Variants in RCOR1 observed in about 807,000 individuals in gnomAD.
RCOR1 encodes REST corepressor 1.
A neutral mutation model predicts 64.0 loss-of-function variants in RCOR1; 12 were observed. That is an observed-to-expected ratio of 0.19 (90% CI 0.12 to 0.30). RCOR1 has a LOEUF of 0.30. Ranked by LOEUF, RCOR1 falls within the 10% of genes least tolerant of loss-of-function variation. The pLI is 1.00. For synonymous variants in RCOR1, 279 were observed against 227.2 expected (o/e 1.23, Z -2.05); for missense variants, 502 against 621.2 (o/e 0.81, Z 2.04).
At chr14:102,689,006 C>G (rs1895476959) in intron 3 of RCOR1, among the ~76,000 whole-genome samples, 1 of 152,206 alleles carries the variant, frequency 6.6e-6, no homozygotes, top group South Asian at 2.1e-4. Context: ...TTCATGCAGA[C>G]ACCACTGCAC....
At chr14:102,612,862 T>C (rs916754787) in intron 2 of RCOR1, among the ~76,000 whole-genome samples, 2 of 147,916 alleles carry the variant, frequency 1.4e-5, no homozygotes, top group Non-Finnish European at 3.0e-5. Context: ...GAGGTTGAGA[T>C]GGGAGGATTG....
intron 2 of RCOR1, among the ~76,000 whole-genome samples, chr14:102,593,945 G>T (rs1567400647): frequency 1.3e-5 from 2 of 152,204 alleles, no homozygotes; most frequent in Admixed American, 1.3e-4. Flanking sequence ...GGACCTATTT[G>T]TAAATGTGTG....
intron 4 of RCOR1, among the ~76,000 whole-genome samples, chr14:102,703,946 T>TA (rs2139980475): frequency 6.6e-6 from 1 of 152,354 alleles, no homozygotes; most frequent in Admixed American, 6.5e-5. Context: ...GCAGGCATCT[T>TA]ACGTTGGAGC....
intron 2 of RCOR1, among the ~76,000 whole-genome samples, chr14:102,672,968 T>G (rs1895058694): frequency 6.6e-6 from 1 of 152,200 alleles, no homozygotes; most frequent in Admixed American, 6.5e-5. Context: ...ACACAGACAT[T>G]GTATCAGGTA....
At chr14:102,613,572 A>T (rs1893681857) in intron 2 of RCOR1, among the ~76,000 whole-genome samples, 1 of 151,148 alleles carries the variant, frequency 6.6e-6, no homozygotes, top group Admixed American at 6.6e-5. Context: ...AGCTGGGACT[A>T]CAGGCGCCCG....
Position 102,721,387 on chromosome 14 carries a change from A to G in RCOR1, c.1189+10A>G. 1.9e-6 allele frequency: 3 copies of G among 1,610,466 alleles called. No homozygotes were observed. The East Asian group carries it at 6.7e-5, about 36-fold the overall frequency. ...CTTCTCGCCGTACAAGGTAGGGGGA[A>G]GTTCTTCTAAAGAGTTTAGGAGGCC... On this transcript the variant is annotated intron_variant, in intron 10 of 11. Coordinates refer to ENST00000262241, the MANE Select transcript of RCOR1 (RefSeq NM_015156.4).
At chr14:102,596,771 G>A (rs1893258980) in intron 2 of RCOR1, among the ~76,000 whole-genome samples, 2 of 151,822 alleles carry the variant, frequency 1.3e-5, no homozygotes, top group Admixed American at 1.3e-4. Flanking sequence ...CACCATGTTG[G>A]CCAGGCTGGT....
At chr14:102,616,033 A>G (rs993010659) in intron 2 of RCOR1, among the ~76,000 whole-genome samples, 11 of 152,208 alleles carry the variant, frequency 7.2e-5, no homozygotes, top group African/African-American at 2.2e-4. Flanking sequence ...ACTCAGTCCT[A>G]TCTTTGATAG....
At chr14:102,692,692 CT>C (rs1264975870) in intron 3 of RCOR1, among the ~76,000 whole-genome samples, 1 of 150,194 alleles carries the variant, frequency 6.7e-6, no homozygotes, top group Non-Finnish European at 1.5e-5. Flanking sequence ...TTGTAGCATA[CT>C]TTATTCAACT....
At position 102,707,236 on chromosome 14, in the gene RCOR1, T is replaced by C. The variant is rs950252463; in HGVS notation, c.499-115T>C. 8.6e-6 allele frequency: 7 copies of C among 812,472 alleles called. No individual in the cohort carries two copies. The African/African-American group carries it at 8.7e-5, about 10-fold the overall frequency. The allele number at this position is 812,472 out of a possible 1,614,324, so 50.3% of individuals were successfully genotyped here. The stretch of plus-strand genomic sequence containing the variant: ...TGACAGTGTCTGCCACTTAGCGCTG[T>C]AGATGAGTTAGTTTGTCTAAATATG... On this transcript the variant is annotated intron_variant, in intron 4 of 11. Coordinates refer to ENST00000262241, the MANE Select transcript of RCOR1 (RefSeq NM_015156.4).
chr14:102,635,074 T>C (rs1303376957), intron 2 of RCOR1, among the ~76,000 whole-genome samples: 2 of 151,986 alleles, frequency 1.3e-5, no homozygotes, highest in Non-Finnish European at 2.9e-5. Flanking sequence ...CCTCAAGCAG[T>C]CCTCCTGCCT....
chr14:102,665,648 A>G (rs891590183), intron 2 of RCOR1, among the ~76,000 whole-genome samples: 5 of 152,148 alleles, frequency 3.3e-5, no homozygotes, highest in South Asian at 2.1e-4. Flanking sequence ...TCATCACTCA[A>G]TAACAAAGTG....
chr14:102,715,526 C>T (rs907926835), intron 8 of RCOR1, among the ~76,000 whole-genome samples: 2 of 151,646 alleles, frequency 1.3e-5, no homozygotes, highest in Non-Finnish European at 2.9e-5. Context: ...GGAGTACAGG[C>T]GCTTGTCATC....
chr14:102,656,089 G>A, intron 2 of RCOR1: 1 of 985,112 alleles, frequency 1.0e-6, no homozygotes, highest in Non-Finnish European at 1.2e-6. Flanking sequence ...TATTTGAGTG[G>A]AAACAGATTC....
intron 3 of RCOR1, among the ~76,000 whole-genome samples, chr14:102,687,444 GT>G (rs1221350622): frequency 1.3e-5 from 2 of 152,112 alleles, no homozygotes; most frequent in Admixed American, 1.3e-4. Context: ...TACTATACTA[GT>G]TTTTTTGGGC....
rs1018333778 is a variant in RCOR1, at chr14:102,711,137, C to G, written c.858+124C>G. The stretch of plus-strand genomic sequence containing the variant: ...CTATGTGGAAAGCAGCATGATATGA[C>G]TATTTTTCAACAATACTGTCTTTGC... On this transcript the variant is annotated intron_variant, in intron 7 of 11. Coordinates refer to ENST00000262241, the MANE Select transcript of RCOR1 (RefSeq NM_015156.4). 7.4e-5 allele frequency: 47 copies of G among 636,526 alleles called. No individual in the cohort carries two copies. In the East Asian group the frequency reaches 1.4e-3, roughly 19 times the overall value. The allele number at this position is 636,526 out of a possible 1,614,324, so 39.4% of individuals were successfully genotyped here.
chr14:102,677,698 A>G (rs1895214765), intron 2 of RCOR1, among the ~76,000 whole-genome samples: 8 of 132,520 alleles, frequency 6.0e-5, no homozygotes, highest in African/African-American at 2.1e-4. Flanking sequence ...CCGGGCAGAG[A>G]CGCTCCTCAC....
intron 2 of RCOR1, among the ~76,000 whole-genome samples, chr14:102,642,554 G>T (rs890178178): frequency 1.8e-4 from 27 of 152,178 alleles, no homozygotes; most frequent in African/African-American, 6.5e-4. Flanking sequence ...GTTAATCTGG[G>T]CTGGGCATGG....
intron 3 of RCOR1, among the ~76,000 whole-genome samples, chr14:102,683,519 C>T (rs1387615428): frequency 6.6e-6 from 1 of 152,238 alleles, no homozygotes; most frequent in Non-Finnish European, 1.5e-5. Flanking sequence ...GCGCAGGTCC[C>T]CCCGATCCCA....
Sources: allele counts gnomAD v4.1 joint callset (sites outside exome capture counted in the v4.1 genomes callset), GRCh38; gene constraint gnomAD v4.1.1; transcripts MANE v1.5; gene names NCBI Gene and HGNC (gene_info 2026-07-23, HGNC 2026-07-21).